Variants in CACNA1C observed in about 807,000 individuals in gnomAD.
CACNA1C encodes the protein calcium voltage-gated channel subunit alpha1 C.
CACNA1C carries 30 observed loss-of-function variants against 229.0 expected under a neutral mutation model. The observed-to-expected ratio is 0.13, with a 90% CI of 0.10 to 0.18. CACNA1C has a LOEUF of 0.18. CACNA1C is among the 10% of genes least tolerant of loss of function. The pLI is 1.00. For synonymous variants in CACNA1C, 1,114 were observed against 1,132.5 expected (o/e 0.98, Z 0.33); for missense variants, 1,658 against 2,845.0 (o/e 0.58, Z 9.49).
In CACNA1C at chr12:2,053,760, C is replaced by A; in HGVS notation, c.49+149C>A. ...GGGGCGCCTCCGCCTCGTCGGAGCG[C>A]CCGGGAGCCCGGCGGGACCGGGGCC... On this transcript the variant is annotated intron_variant, in intron 1 of 46. Coordinates refer to ENST00000399655, the MANE Select transcript of CACNA1C (RefSeq NM_000719.7). This position sits in a 1 kb window ranked among gnomAD's most constrained non-coding sequence, Gnocchi z 5.8. 1.3e-6 allele frequency: 1 copy of A among 791,546 alleles called. No individual in the cohort carries two copies. The highest frequency in any genetic ancestry group is 4.7e-4 in the Middle Eastern group (1 of 2,118). The allele number at this position is 791,546 out of a possible 1,614,324, so 49.0% of individuals were successfully genotyped here. A position where few individuals can be genotyped will look rare whatever the true frequency, so the allele number is the denominator to read the frequency against.
At chr12:2,113,716 C>G (rs2238033) in intron 1 of CACNA1C, among the ~76,000 whole-genome samples, 90,025 of 152,076 alleles carry the variant, frequency 0.59, 28,323 homozygotes, top group Non-Finnish European at 0.69. Context: ...ACTAGCGGTA[C>G]CACGTCTCAA....
intron 3 of CACNA1C, among the ~76,000 whole-genome samples, chr12:2,322,929 T>G (rs2096082394): frequency 6.6e-6 from 1 of 152,222 alleles, no homozygotes; most frequent in African/African-American, 2.4e-5. Context: ...TCCGCCTGCC[T>G]GCTGCACCAC....
At chr12:2,305,586 G>A (rs190037141) in intron 3 of CACNA1C, among the ~76,000 whole-genome samples, 11 of 152,212 alleles carry the variant, frequency 7.2e-5, no homozygotes, top group African/African-American at 2.4e-4. Flanking sequence ...GGGTATGCCT[G>A]TAGTCCCAGC....
At chr12:2,004,233 G>A (rs140484769) in intron 1 of CACNA1C, 2 of 1,604,720 alleles carry the variant, frequency 1.2e-6, no homozygotes, top group South Asian at 2.2e-5. Context: ...GACGCCCCCC[G>A]CCTCCACCCC....
At chr12:1,984,834 T>C (rs1246520977) in intron 1 of CACNA1C, among the ~76,000 whole-genome samples, 1 of 150,432 alleles carries the variant, frequency 6.6e-6, no homozygotes, top group Non-Finnish European at 1.5e-5. Context: ...TCAGAGTATA[T>C]GTCTTTATTT....
chr12:2,054,375 G>A lies in CACNA1C; in HGVS notation c.49+764G>A, dbSNP rs2053733471. On this transcript the variant is annotated intron_variant, in intron 1 of 46. Coordinates refer to ENST00000399655, the MANE Select transcript of CACNA1C (RefSeq NM_000719.7). The surrounding 1 kb of genome is among the most constrained non-coding windows in gnomAD (Gnocchi z 5.5). ...CACCTGAGGATGGAAGCGGCGAGGAGCCGGGCGGTGTGTGGGCTTTGCTGT... is the reference window on the plus strand; with the variant it reads ...CACCTGAGGATGGAAGCGGCGAGGAACCGGGCGGTGTGTGGGCTTTGCTGT... Among the ~76,000 whole-genome samples the A allele has an allele frequency of 6.6e-6, 1 of 152,236 alleles. No homozygotes were observed. Among genetic ancestry groups the A allele is most frequent in the South Asian group, 2.1e-4 (1 of 4,832 alleles).
intron 3 of CACNA1C, among the ~76,000 whole-genome samples, chr12:2,408,789 T>G (rs1407262433): frequency 6.6e-6 from 1 of 152,224 alleles, no homozygotes; most frequent in Non-Finnish European, 1.5e-5. Context: ...TCTTATTCAT[T>G]TCAATTTAGT....
At chr12:2,434,957 G>A (rs956851492) in intron 3 of CACNA1C, among the ~76,000 whole-genome samples, 2 of 152,088 alleles carry the variant, frequency 1.3e-5, no homozygotes, top group Non-Finnish European at 2.9e-5. Flanking sequence ...CCCTTTGATC[G>A]TGAACCGTCG....
At chr12:2,385,621 A>G (rs1464901402) in intron 3 of CACNA1C, among the ~76,000 whole-genome samples, 1 of 152,080 alleles carries the variant, frequency 6.6e-6, no homozygotes, top group Non-Finnish European at 1.5e-5. Flanking sequence ...CTCCATTCTT[A>G]GTTCACCTGT....
At chr12:2,398,199 G>A (rs986533317) in intron 3 of CACNA1C, among the ~76,000 whole-genome samples, 3 of 152,158 alleles carry the variant, frequency 2.0e-5, no homozygotes, top group African/African-American at 7.2e-5. Flanking sequence ...CACTGTTCTT[G>A]GGCAAAATCC....
chr12:2,608,185 G>A lies in CACNA1C; in HGVS notation c.3357-326G>A, dbSNP rs1272854778. On this transcript the variant is annotated intron_variant, in intron 26 of 46. Transcript: ENST00000399655. The surrounding 1 kb of genome is among the most constrained non-coding windows in gnomAD (Gnocchi z 4.2). ...CTCAATATTTACCAATATTTCCAGT[G>A]TTTTAAATCAATGTCCATGACTCAT... 4.7e-6 allele frequency: 1 copy of A among 214,156 alleles called. No homozygotes were observed. The highest frequency in any genetic ancestry group is 9.2e-6 in the Non-Finnish European group (1 of 108,690). The allele number at this position is 214,156 out of a possible 1,614,324, so 13.3% of individuals were successfully genotyped here. A position where few individuals can be genotyped will look rare whatever the true frequency, so the allele number is the denominator to read the frequency against.
At chr12:2,392,046 T>C (rs1452928405) in intron 3 of CACNA1C, among the ~76,000 whole-genome samples, 1 of 152,150 alleles carries the variant, frequency 6.6e-6, no homozygotes, top group Non-Finnish European at 1.5e-5. Context: ...TGGAACTTAG[T>C]AGAGTATATA....
At position 2,498,452 on chromosome 12, in the gene CACNA1C, T is replaced by G. The variant is rs577959275; in HGVS notation, c.1113+5066T>G. 2.6e-5 allele frequency among the ~76,000 whole-genome samples: 4 copies of G among 152,328 alleles called. No homozygotes were observed. The South Asian group carries it at 8.3e-4, about 32-fold the overall frequency. On this transcript the variant is annotated intron_variant, in intron 7 of 46. Coordinates refer to ENST00000399655, the MANE Select transcript of CACNA1C (RefSeq NM_000719.7). ...CAGCATCTCTCAAAGCCATTCTTTATTTATTTATTGGGTTTCATTTTATTT... is the reference window on the plus strand; with the variant it reads ...CAGCATCTCTCAAAGCCATTCTTTAGTTATTTATTGGGTTTCATTTTATTT...
chr12:2,461,505 A>G (rs1411119167), intron 5 of CACNA1C, among the ~76,000 whole-genome samples: 6 of 152,132 alleles, frequency 3.9e-5, no homozygotes, highest in Non-Finnish European at 5.9e-5. Context: ...TAATCTATGT[A>G]TCTTCCAGTA....
At position 2,488,886 on chromosome 12, in the gene CACNA1C, C is replaced by T. The variant is rs1269023802; in HGVS notation, c.916+2624C>T. ...CTGCCGTCTGATCACAAGCCAGGAC[C>T]CACTCTGTCACTCTTAGCACAACAC... is the stretch of plus-strand genomic sequence containing the variant. On this transcript the variant is annotated intron_variant, in intron 6 of 46. Coordinates refer to ENST00000399655, the MANE Select transcript of CACNA1C (RefSeq NM_000719.7). The surrounding 1 kb of genome is among the most constrained non-coding windows in gnomAD (Gnocchi z 4.0). 6.6e-6 allele frequency among the ~76,000 whole-genome samples: 1 copy of T among 152,230 alleles called. No individual in the cohort carries two copies. The highest frequency in any genetic ancestry group is 1.9e-4 in the East Asian group (1 of 5,196).
In CACNA1C at chr12:1,986,109, A is replaced by G. The variant is rs547211922; in HGVS notation, c.139+14908A>G. Among the ~76,000 whole-genome samples the G allele has an allele frequency of 6.0e-4, 91 of 152,340 alleles. 1 individual carries two copies. The highest frequency in any genetic ancestry group is 3.4e-3 in the Middle Eastern group (1 of 294). ...ATTACAGGCGTGAGCCACTGCGCCCAGCCGTCAGTTCTATTTTCAAAGGTG... is the reference window on the plus strand; with the variant it reads ...ATTACAGGCGTGAGCCACTGCGCCCGGCCGTCAGTTCTATTTTCAAAGGTG... On this transcript the variant is annotated intron_variant, in intron 1 of 46. Coordinates refer to the CACNA1C transcript ENST00000682462.
At chr12:2,361,919 G>A (rs2097567561) in intron 3 of CACNA1C, among the ~76,000 whole-genome samples, 1 of 152,216 alleles carries the variant, frequency 6.6e-6, no homozygotes, top group African/African-American at 2.4e-5. Flanking sequence ...GACAGATGGA[G>A]TGTGACGTCG....
intron 11 of CACNA1C, among the ~76,000 whole-genome samples, chr12:2,558,447 C>T (rs2045714307): frequency 6.6e-6 from 1 of 152,212 alleles, no homozygotes; most frequent in Non-Finnish European, 1.5e-5. Context: ...GTTCTGTTGG[C>T]CCACTGACTT....
intron 3 of CACNA1C, among the ~76,000 whole-genome samples, chr12:2,422,257 T>C (rs1427849716): frequency 1.3e-5 from 2 of 152,136 alleles, no homozygotes; most frequent in East Asian, 3.9e-4. Context: ...AGCGGGAGCA[T>C]TAGCAGACAT....
Sources: allele counts gnomAD v4.1 joint callset (sites outside exome capture counted in the v4.1 genomes callset), GRCh38; gene constraint gnomAD v4.1.1; non-coding constraint Gnocchi (gnomAD v3.1); transcripts MANE v1.5; gene names NCBI Gene and HGNC (gene_info 2026-07-23, HGNC 2026-07-21).